RBM44: variants seen among roughly 807,000 people sequenced by gnomAD.
RBM44 encodes RNA binding motif protein 44.
Under a neutral mutation model 105.1 loss-of-function variants are expected in RBM44, and 66 were observed. The ratio of observed to expected loss-of-function variants is 0.63; its 90% CI spans 0.52 to 0.77. The LOEUF is 0.77. Among genes scored for constraint, RBM44 ranks in the 30% least tolerant of loss-of-function variants. The pLI, the probability that RBM44 is intolerant of heterozygous loss-of-function variation, is 0.00. For synonymous variants in RBM44, 365 were observed against 417.6 expected, an observed-to-expected ratio of 0.87 and a Z score of 1.54; for missense variants, 1,122 against 1,207.8, an observed-to-expected ratio of 0.93 and a Z score of 1.05.
chr2:237,821,773 T>C lies in RBM44; in HGVS notation c.2151T>C (p.Asn717=), dbSNP rs780691753. 6.2e-7 allele frequency: 1 copy of C among 1,611,354 alleles called. No individual in the cohort carries two copies. The highest frequency in any genetic ancestry group is 8.5e-7 in the Non-Finnish European group (1 of 1,178,268). ...CAGAAGCAGATGCTGAACAAGATAA[T>C]CAGAGGGCTCATGATGTTGATGTTT... is the stretch of plus-strand genomic sequence containing the variant. The part of the protein sequence containing the change: ...VFSEADAEQD[N]QRAHDVDVSS... The change falls in exon 8 of 16, where the codon AAT becomes AAC. Residue 717 remains asparagine (N), a synonymous_variant. Transcript: ENST00000316997.
chr2:237,800,553 CTT>C (rs1201670631), intron 1 of RBM44, among the ~76,000 whole-genome samples: 1 of 152,206 alleles, frequency 6.6e-6, no homozygotes, highest in Non-Finnish European at 1.5e-5. Flanking sequence ...TAGTGTTGCT[CTT>C]CTCACCAATT....
rs2061856854 is a variant in RBM44, at chr2:237,827,240, C to T, written c.2450-10C>T. On this transcript the variant is annotated splice_polypyrimidine_tract_variant and intron_variant, in intron 10 of 15. Transcript: ENST00000316997. ...AAGATCATTTCTGTTACATGTTTTT[C>T]TCTAAGCAGAAATGAAGAATGTTGA... The T allele has an allele frequency of 6.8e-7, 1 of 1,475,272 alleles. No individual in the cohort carries two copies. The highest frequency in any genetic ancestry group is 1.9e-5 in the Admixed American group (1 of 53,210). 91.4% of individuals were successfully genotyped at this position (1,475,272 alleles called of 1,614,324 possible). A position where few individuals can be genotyped will look rare whatever the true frequency, so the allele number is the denominator to read the frequency against.
intron 10 of RBM44, 85 bp from the exon 11 acceptor site, chr2:237,827,165 C>A (rs2150985313): frequency 2.5e-6 from 2 of 791,314 alleles, no homozygotes; most frequent in African/African-American, 1.7e-5. Context: ...AGAAAGGAAA[C>A]AAAATATTTA....
rs1231119763 is a variant in RBM44, at chr2:237,823,559, G to A, written c.2320+5G>A. ...AACTGAAACTTGGTGATAAAGGTTAGTATAAAAATGTGTTATCTTGTATAG... is the reference window on the plus strand; with the variant it reads ...AACTGAAACTTGGTGATAAAGGTTAATATAAAAATGTGTTATCTTGTATAG... On this transcript the variant is annotated splice_donor_5th_base_variant and intron_variant, in intron 9 of 15. Coordinates refer to ENST00000316997, the MANE Select transcript of RBM44 (RefSeq NM_001080504.3). The A allele has an allele frequency of 3.2e-6, 4 of 1,261,832 alleles. No homozygotes were observed. The highest frequency in any genetic ancestry group is 4.5e-6 in the Non-Finnish European group (4 of 884,432). 78.2% of individuals were successfully genotyped at this position (1,261,832 alleles called of 1,614,324 possible).
chr2:237,835,407 G>T (rs140261830), intron 15 of RBM44, among the ~76,000 whole-genome samples: 103 of 152,304 alleles, frequency 6.8e-4, no homozygotes, highest in Non-Finnish European at 9.6e-4. Context: ...AGCTTAGTGA[G>T]GAAGGCATGT....
At chr2:237,832,904 C>T (rs927918112) in intron 13 of RBM44, among the ~76,000 whole-genome samples, 18 of 152,138 alleles carry the variant, frequency 1.2e-4, no homozygotes, top group Non-Finnish European at 2.4e-4. Flanking sequence ...GAGATGAGAG[C>T]CATTACCTCA....
chr2:237,831,253 G>T (rs1291686778), intron 13 of RBM44, among the ~76,000 whole-genome samples: 3 of 133,640 alleles, frequency 2.2e-5, no homozygotes, highest in African/African-American at 5.4e-5. Context: ...TGGGGGGGGG[G>T]GGGTTTGTCT....
At position 237,817,665 on chromosome 2, in the gene RBM44, C is replaced by T. The variant is rs376366874; in HGVS notation, c.746C>T (p.Ser249Leu). 1.9e-6 allele frequency: 3 copies of T among 1,612,450 alleles called. No individual in the cohort carries two copies. Among genetic ancestry groups the T allele is most frequent in the South Asian group, 1.1e-5 (1 of 91,020 alleles). Residue 249 changes from serine to leucine, a missense_variant, in exon 3 of 16, where the codon TCA becomes TTA. Physicochemically the swap from Ser to Leu is moderately radical, Grantham distance 145. Around this residue, in one of 3 missense-constraint regions of RBM44, gnomAD observed 918 missense variants for 955.3 expected, o/e 0.96. Transcript: ENST00000316997. ...AGTGGTTCTATCATCTCTTTCGATT[C>T]ACTTGATGTTTATGGACAAGAAGAG... ...SGSGSIISFD[S>L]LDVYGQEESL... is the part of the protein sequence containing the mutation.
chr2:237,825,633 G>A (rs563971881), intron 10 of RBM44, among the ~76,000 whole-genome samples: 1 of 152,288 alleles, frequency 6.6e-6, no homozygotes, highest in Middle Eastern at 3.4e-3. Flanking sequence ...TTAGCTCAGT[G>A]AGCTCAGGGA....
intron 15 of RBM44, among the ~76,000 whole-genome samples, chr2:237,840,861 C>G (rs781558255): frequency 6.6e-6 from 1 of 151,982 alleles, no homozygotes; most frequent in Non-Finnish European, 1.5e-5. Context: ...AAGTCAAAAC[C>G]ACAAGATACC....
At chr2:237,813,753 G>T in intron 2 of RBM44, 71 bp downstream of exon 2, 2 of 1,021,630 alleles carry the variant, frequency 2.0e-6, no homozygotes, top group South Asian at 2.6e-5. Context: ...CAGACAGTTT[G>T]CCCTTCAGGT....
At chr2:237,816,821 T>G (rs1012776191) in intron 2 of RBM44, among the ~76,000 whole-genome samples, 172 bp from the exon 3 acceptor site, 4 of 152,126 alleles carry the variant, frequency 2.6e-5, no homozygotes, top group Admixed American at 6.6e-5. Flanking sequence ...CAAGGCATCA[T>G]TTGGGAGGAC....
At chr2:237,816,896 G>T (rs1014087777) in intron 2 of RBM44, 97 bp from the exon 3 acceptor site, 1 of 693,362 alleles carries the variant, frequency 1.4e-6, no homozygotes, top group Non-Finnish European at 2.3e-6. Context: ...TTGTAATCCC[G>T]CATTGGGAAG....
At chr2:237,813,568 G>T in intron 1 of RBM44, 24 bp from the exon 2 acceptor site, 1 of 1,243,706 alleles carries the variant, frequency 8.0e-7, no homozygotes, top group Non-Finnish European at 1.2e-6. Context: ...TATAATAATA[G>T]TTCAATATTT....
At chr2:237,834,244 G>A (rs1438107135) in intron 14 of RBM44, 34 bp from the exon 15 acceptor site, 2 of 1,546,770 alleles carry the variant, frequency 1.3e-6, no homozygotes, top group Non-Finnish European at 1.7e-6. Flanking sequence ...CTTTGGAAAA[G>A]ACAAATACTC....
At position 237,817,084 on chromosome 2, in the gene RBM44, T is replaced by G. The variant is rs1266740994; in HGVS notation, c.165T>G (p.Asn55Lys). ...VKLTFPDDDW[N>K]SSTLEQRANN... ...TGACTTTTCCTGATGATGACTGGAA[T>G]TCTTCGACACTAGAGCAAAGAGCTA... The change falls in exon 3 of 16, where the codon AAT becomes AAG. Residue 55 changes from asparagine (N) to lysine (K), a missense_variant. Physicochemically the swap from Asn to Lys is moderately conservative, Grantham distance 94. Transcript: ENST00000316997. 1 of 1,605,946 alleles carries G rather than the reference T, an allele frequency of 6.2e-7. No homozygotes were observed. Among genetic ancestry groups the G allele is most frequent in the South Asian group, 1.1e-5 (1 of 90,198 alleles).
Position 237,817,682 on chromosome 2 carries a change from C to T in RBM44, c.763C>T (p.Gln255Ter). ...ISFDSLDVYG[Q>*]EESLHVSKFQ... Reference sequence around the variant, plus strand: ...TTTCGATTCACTTGATGTTTATGGACAAGAAGAGTCACTTCATGTCTCCAA... The same window carrying T: ...TTTCGATTCACTTGATGTTTATGGATAAGAAGAGTCACTTCATGTCTCCAA... Residue 255 changes from glutamine to a stop codon, truncating the protein, a stop_gained, in exon 3 of 16, where the codon CAA becomes TAA. Coordinates refer to ENST00000316997, the MANE Select transcript of RBM44 (RefSeq NM_001080504.3). LOFTEE classifies it high-confidence loss of function. 6.2e-7 allele frequency: 1 copy of T among 1,612,520 alleles called. No individual in the cohort carries two copies.
intron 1 of RBM44, 79 bp from the exon 2 acceptor site, chr2:237,813,513 A>G (rs910715728): frequency 2.8e-6 from 2 of 714,610 alleles, no homozygotes; most frequent in African/African-American, 1.8e-5. Flanking sequence ...TTAAAAGGAC[A>G]TATCTTTCTG....
chr2:237,801,097 A>G (rs139986623), intron 1 of RBM44, among the ~76,000 whole-genome samples: 4 of 152,258 alleles, frequency 2.6e-5, no homozygotes, highest in African/African-American at 9.6e-5. Flanking sequence ...ACACTTTGAA[A>G]GGCTGAGGTA....
Sources: allele counts gnomAD v4.1 joint callset (sites outside exome capture counted in the v4.1 genomes callset), GRCh38; gene constraint gnomAD v4.1.1; regional missense constraint gnomAD v4.1.1; transcripts MANE v1.5; gene names NCBI Gene and HGNC (gene_info 2026-07-23, HGNC 2026-07-21).